Variants in ZKSCAN1 observed in about 807,000 individuals in gnomAD.
ZKSCAN1 encodes zinc finger protein with KRAB and SCAN domains 1.
ZKSCAN1 carries 14 observed loss-of-function variants against 51.6 expected under a neutral mutation model. The observed-to-expected ratio is 0.27, with a 90% confidence interval of 0.18 to 0.42. The LOEUF (loss-of-function observed/expected upper bound fraction) is 0.42, where lower values mean the gene tolerates loss of function less well. Among genes scored for constraint, ZKSCAN1 ranks in the 10% least tolerant of loss-of-function variants. ZKSCAN1 has a pLI of 1.00. For missense variants in ZKSCAN1, 531 were observed against 710.0 expected (o/e 0.75, Z 2.86); for synonymous variants, 263 against 261.5 (o/e 1.01, Z -0.06).
chr7:100,029,973 T>C, intron 4 of ZKSCAN1, 21 bp downstream of exon 4: 1 of 1,612,174 alleles, frequency 6.2e-7, no homozygotes, highest in African/African-American at 1.3e-5. Flanking sequence ...GCCCCTCTGC[T>C]CTCCTGAGTC....
downstream of ZKSCAN1, among the ~76,000 whole-genome samples, chr7:100,042,528 T>G (rs1791625218): frequency 6.6e-6 from 1 of 152,028 alleles, no homozygotes; most frequent in Non-Finnish European, 1.5e-5. Context: ...CTCCACAGGT[T>G]GTGGGCTCAG....
intron 5 of ZKSCAN1, among the ~76,000 whole-genome samples, chr7:100,031,986 G>A (rs1791126515): frequency 6.6e-6 from 1 of 152,216 alleles, no homozygotes; most frequent in African/African-American, 2.4e-5. Context: ...GGCTGAGGCA[G>A]GAGGATCACT....
rs77924289 is a variant in ZKSCAN1 at position 100,027,463 on chromosome 7, C to T, written c.581-2398C>T. Among the ~76,000 whole-genome samples, 96 of 151,974 alleles carry T rather than the reference C, an allele frequency of 6.3e-4. 2 individuals are homozygous for T. The East Asian group carries it at 0.018, about 29-fold the overall frequency. ...CTAGAGAAAGCTGTGTAAACTGGTG[C>T]ACCGTGGCCAGGCGTGGTGGCTCAC... On this transcript the variant is annotated intron_variant, in intron 3 of 5. Coordinates refer to ENST00000324306, the MANE Select transcript of ZKSCAN1 (RefSeq NM_003439.4).
At chr7:100,016,925 AT>A (rs1790391182) in intron 1 of ZKSCAN1, 1 of 152,208 alleles carries the variant, frequency 6.6e-6, no homozygotes, top group Non-Finnish European at 1.5e-5. Flanking sequence ...CAGAATGTGT[AT>A]CCAGGTTTGT....
chr7:100,045,080 C>A, downstream of ZKSCAN1: 1 of 666,948 alleles, frequency 1.5e-6, no homozygotes, highest in Non-Finnish European at 1.9e-6. Context: ...CCTGGGTTTC[C>A]GCTGCAAAGG....
At chr7:100,024,484 C>T (rs941107012) in intron 3 of ZKSCAN1, 177 bp downstream of exon 3, 20 of 775,184 alleles carry the variant, frequency 2.6e-5, no homozygotes, top group East Asian at 5.8e-5. Flanking sequence ...ATTCCAGCTA[C>T]GCAGGAGGCT....
chr7:100,021,091 T>C (rs931703511), intron 1 of ZKSCAN1, among the ~76,000 whole-genome samples: 7 of 150,760 alleles, frequency 4.6e-5, no homozygotes, highest in African/African-American at 1.7e-4. Flanking sequence ...GGTTAGAAAA[T>C]ATTTCCAAGT....
chr7:100,040,827 C>T lies in ZKSCAN1; in HGVS notation c.*6630C>T. On this transcript the variant is annotated 3_prime_UTR_variant, in exon 6 of 6. Transcript: ENST00000324306. Reference sequence around the variant, plus strand: ...GTTGCTTTTTAAAGCTTTTAGCCTGCCCTAGCAAGGACAAAGCATGTTAGA... The same window carrying T: ...GTTGCTTTTTAAAGCTTTTAGCCTGTCCTAGCAAGGACAAAGCATGTTAGA... 1 of 985,420 alleles carries T rather than the reference C, an allele frequency of 1.0e-6. No individual in the cohort carries two copies. Among genetic ancestry groups the T allele is most frequent in the Non-Finnish European group, 1.2e-6 (1 of 829,942 alleles). 61.0% of individuals were successfully genotyped at this position (985,420 alleles called of 1,614,324 possible).
At position 100,017,218 on chromosome 7, in the gene ZKSCAN1, T is replaced by TA. The variant is rs199676744; in HGVS notation, c.-89+1501dup. ...TGTAAAGGGCAAAGGGCAATTTATT[T>TA]AAAAAAAAATTTTTTTTTTTTTGAG... On this transcript the variant is annotated intron_variant, in intron 1 of 5. Transcript: ENST00000324306. 2.0e-3 allele frequency among the ~76,000 whole-genome samples: 309 copies of TA among 151,168 alleles called. 3 individuals are homozygous for TA. Among genetic ancestry groups the TA allele is most frequent in the East Asian group, 9.7e-3 (50 of 5,154 alleles).
rs11338572 is a variant in ZKSCAN1, at chr7:100,039,315, GAAAA to G, written c.*5127_*5130del. ...TAACAGAGACTCTGTCTCAAAAAAA[GAAAA>G]AAAAAAAAGAAAGAAAGAAAGAAAA... On this transcript the variant is annotated 3_prime_UTR_variant, in exon 6 of 6. Transcript: ENST00000324306. 1.1e-6 allele frequency: 1 copy of G among 879,140 alleles called. No individual in the cohort carries two copies. Among genetic ancestry groups the G allele is most frequent in the Middle Eastern group, 6.2e-4 (1 of 1,614 alleles). The allele number at this position is 879,140 out of a possible 1,614,324, so 54.5% of individuals were successfully genotyped here. A position where few individuals can be genotyped will look rare whatever the true frequency, so the allele number is the denominator to read the frequency against.
In ZKSCAN1 at chr7:100,033,956, C is replaced by A; in HGVS notation, c.1451C>A (p.Thr484Lys). Residue 484 changes from threonine (T) to lysine (K), a missense_variant, in exon 6 of 6, where the codon ACG (threonine) becomes AAG (lysine). Thr to Lys is a moderately conservative substitution (Grantham distance 78). Transcript: ENST00000324306. This position sits in a 1 kb window ranked among gnomAD's most constrained non-coding sequence, Gnocchi z 4.1. ...CTCACCAAGCATCAGAGAATTCACA[C>A]GGGGGAGAAACCCTATGAATGTAGT... ...SDLTKHQRIH[T>K]GEKPYECSEC... 6.2e-7 allele frequency: 1 copy of A among 1,614,148 alleles called. No homozygotes were observed. The highest frequency in any genetic ancestry group is 8.5e-7 in the Non-Finnish European group (1 of 1,180,010).
Position 100,037,255 on chromosome 7 carries a change from G to A in ZKSCAN1, c.*3058G>A, listed in dbSNP as rs1791404729. 2.0e-6 allele frequency: 2 copies of A among 985,402 alleles called. No homozygotes were observed. The highest frequency in any genetic ancestry group is 3.5e-5 in the African/African-American group (2 of 57,346). The allele number at this position is 985,402 out of a possible 1,614,324, so 61.0% of individuals were successfully genotyped here. On this transcript the variant is annotated 3_prime_UTR_variant, in exon 6 of 6. Coordinates refer to ENST00000324306, the MANE Select transcript of ZKSCAN1 (RefSeq NM_003439.4). Reference sequence around the variant, plus strand: ...ACAGTTAACCATTAGCATGCTAGTTGTCCTAATGGAAATTTTTGAAGAGTT... The same window carrying A: ...ACAGTTAACCATTAGCATGCTAGTTATCCTAATGGAAATTTTTGAAGAGTT...
At position 100,033,469 on chromosome 7, in the gene ZKSCAN1, A is replaced by G. The variant is rs1791204528; in HGVS notation, c.964A>G (p.Lys322Glu). Residue 322 changes from lysine to glutamate, a missense_variant, in exon 6 of 6, where the codon AAA becomes GAA. Transcript: ENST00000324306. This position sits in a 1 kb window ranked among gnomAD's most constrained non-coding sequence, Gnocchi z 4.1. ...AAGACAGCAGAAAAACCCTGAGGAG[A>G]AAACCAGGAAAGAGAAAAGAGATTC... ...GERQQKNPEE[K>E]TRKEKRDSGP... is the part of the protein sequence containing the mutation. The G allele has an allele frequency of 6.2e-7, 1 of 1,614,042 alleles. No homozygotes were observed. The highest frequency in any genetic ancestry group is 8.5e-7 in the Non-Finnish European group (1 of 1,179,984).
Position 100,036,888 on chromosome 7 carries a change from T to G in ZKSCAN1, c.*2691T>G, listed in dbSNP as rs1791387553. ...TGCTGATATAACTCAGCCATCACTTTTGAGTTTTGTTTTTAAATGAAGGTT... is the reference window on the plus strand; with the variant it reads ...TGCTGATATAACTCAGCCATCACTTGTGAGTTTTGTTTTTAAATGAAGGTT... On this transcript the variant is annotated 3_prime_UTR_variant, in exon 6 of 6. Transcript: ENST00000324306. 1.0e-6 allele frequency: 1 copy of G among 985,246 alleles called. No homozygotes were observed. The highest frequency in any genetic ancestry group is 1.7e-5 in the African/African-American group (1 of 57,306). 61.0% of individuals were successfully genotyped at this position (985,246 alleles called of 1,614,324 possible). A position where few individuals can be genotyped will look rare whatever the true frequency, so the allele number is the denominator to read the frequency against.
At chr7:100,017,329 C>T (rs1367085498) in intron 1 of ZKSCAN1, among the ~76,000 whole-genome samples, 1 of 152,014 alleles carries the variant, frequency 6.6e-6, no homozygotes, top group East Asian at 1.9e-4. Context: ...TTCAAGCGAT[C>T]CTCCTGCCTC....
chr7:100,033,165 C>G lies in ZKSCAN1; in HGVS notation c.800-140C>G. On this transcript the variant is annotated intron_variant, in intron 5 of 5. Coordinates refer to ENST00000324306, the MANE Select transcript of ZKSCAN1 (RefSeq NM_003439.4). The surrounding 1 kb of genome is among the most constrained non-coding windows in gnomAD (Gnocchi z 4.1). Reference sequence around the variant, plus strand: ...CCAGCCTGGGCGACAGAGCGAGACTCTGTCTCAAAGGAAATAAAAATAAAA... The same window carrying G: ...CCAGCCTGGGCGACAGAGCGAGACTGTGTCTCAAAGGAAATAAAAATAAAA... The G allele has an allele frequency of 7.2e-7, 1 of 1,390,178 alleles. No individual in the cohort carries two copies. The highest frequency in any genetic ancestry group is 9.4e-7 in the Non-Finnish European group (1 of 1,061,038). The allele number at this position is 1,390,178 out of a possible 1,614,324, so 86.1% of individuals were successfully genotyped here.
intron 1 of ZKSCAN1, among the ~76,000 whole-genome samples, chr7:100,022,201 C>T (rs765782092): frequency 5.3e-5 from 8 of 152,250 alleles, no homozygotes; most frequent in Non-Finnish European, 1.0e-4. Context: ...ACTACAGGTG[C>T]CCGCCACCGC....
chr7:100,026,230 CAAAAAAA>C (rs58408632), intron 3 of ZKSCAN1, among the ~76,000 whole-genome samples: 14 of 47,308 alleles, frequency 3.0e-4, no homozygotes, highest in Admixed American at 5.6e-4. Context: ...AAACTCATCT[CAAAAAAA>C]AAAAAAAAAA....
At chr7:100,032,056 C>T (rs1791129874) in intron 5 of ZKSCAN1, among the ~76,000 whole-genome samples, 1 of 152,178 alleles carries the variant, frequency 6.6e-6, no homozygotes, top group Non-Finnish European at 1.5e-5. Flanking sequence ...TCCAGCCTGG[C>T]TGACAGAACA....
Sources: gnomAD v4.1 joint callset for allele counts (sites outside exome capture counted in the v4.1 genomes callset) on GRCh38, gnomAD v4.1.1 for gene constraint, Gnocchi (gnomAD v3.1) non-coding constraint, MANE v1.5 for transcripts, NCBI Gene and HGNC (gene_info 2026-07-23, HGNC 2026-07-21) for gene names.